Variants in TTLL11 observed in about 807,000 individuals in gnomAD.
TTLL11 encodes tubulin tyrosine ligase like 11.
TTLL11 carries 42 observed loss-of-function variants against 51.7 expected under a neutral mutation model. That is an observed-to-expected ratio of 0.81 (90% confidence interval 0.64 to 1.05). TTLL11 has a LOEUF of 1.05. TTLL11 is among the 50% of genes least tolerant of loss of function. The probability of loss-of-function intolerance (pLI) is 0.00; values close to 1 mark genes in which losing one functional copy is unlikely to be tolerated. For missense variants in TTLL11, 799 were observed against 940.4 expected (o/e 0.85, Z 1.97); for synonymous variants, 381 against 383.5 (o/e 0.99, Z 0.08).
intron 8 of TTLL11, among the ~76,000 whole-genome samples, chr9:121,834,379 C>T (rs73539162): frequency 0.061 from 9,321 of 152,134 alleles, 462 homozygotes; most frequent in African/African-American, 0.13. Context: ...TGAGCTGGTC[C>T]GGGTCCCAGC....
intron 8 of TTLL11, among the ~76,000 whole-genome samples, chr9:121,826,557 G>GTGTGTATATATATATGTGTATA (rs1189626793): frequency 1.9e-5 from 1 of 51,346 alleles, no homozygotes; most frequent in African/African-American, 7.1e-5. Context: ...ATATGTGTGT[G>GTGTGTATATATATATGTGTATA]TATATATATA....
chr9:121,974,762 T>G (rs1361555361), intron 5 of TTLL11, 122 bp downstream of exon 5: 2 of 777,876 alleles, frequency 2.6e-6, no homozygotes, highest in African/African-American at 3.6e-5. Flanking sequence ...TTATTTGACT[T>G]GAACAGAATT....
At chr9:121,952,444 CA>C (rs67882979) in intron 6 of TTLL11, among the ~76,000 whole-genome samples, 1,945 of 121,818 alleles carry the variant, frequency 0.016, 30 homozygotes, top group African/African-American at 0.051. Flanking sequence ...GACTCCGCCT[CA>C]AAAAAAAAAA....
chr9:121,959,896 C>T (rs944331261), intron 6 of TTLL11, among the ~76,000 whole-genome samples: 1 of 151,878 alleles, frequency 6.6e-6, no homozygotes, highest in African/African-American at 2.4e-5. Flanking sequence ...CATTGGACTT[C>T]TTTATTTTTT....
chr9:121,911,131 G>A (rs1176543022), intron 6 of TTLL11, among the ~76,000 whole-genome samples: 1 of 152,180 alleles, frequency 6.6e-6, no homozygotes, highest in Non-Finnish European at 1.5e-5. Flanking sequence ...GTGGCCAGGT[G>A]CAGTGGCTCA....
chr9:121,827,720 A>C (rs1836860214), intron 8 of TTLL11, among the ~76,000 whole-genome samples: 1 of 152,112 alleles, frequency 6.6e-6, no homozygotes, highest in Admixed American at 6.5e-5. Flanking sequence ...TCCTCAATTC[A>C]TCAAGGTGGC....
chr9:121,844,300 A>AC (rs374592880), intron 8 of TTLL11, among the ~76,000 whole-genome samples: 2 of 151,558 alleles, frequency 1.3e-5, no homozygotes, highest in African/African-American at 4.9e-5. Flanking sequence ...GGAGAGAAAA[A>AC]AAAACAAAAC....
chr9:121,933,015 T>C (rs572816936), intron 6 of TTLL11, among the ~76,000 whole-genome samples: 2 of 152,322 alleles, frequency 1.3e-5, no homozygotes, highest in East Asian at 3.9e-4. Flanking sequence ...ACGGAAAAGA[T>C]TGATCAACTG....
chr9:121,972,454 T>C (rs1211915643), intron 6 of TTLL11, among the ~76,000 whole-genome samples: 3 of 152,236 alleles, frequency 2.0e-5, no homozygotes, highest in Non-Finnish European at 2.9e-5. Context: ...GAGGACAGCT[T>C]TGAAGCACTG....
chr9:122,029,739 C>T (rs1844470508), intron 3 of TTLL11, among the ~76,000 whole-genome samples: 1 of 152,102 alleles, frequency 6.6e-6, no homozygotes, highest in Non-Finnish European at 1.5e-5. Context: ...CCTAAGTGTA[C>T]AGTGTTTCTG....
At chr9:122,000,048 A>T (rs1843412889) in intron 3 of TTLL11, among the ~76,000 whole-genome samples, 1 of 152,230 alleles carries the variant, frequency 6.6e-6, no homozygotes, top group Admixed American at 6.5e-5. Flanking sequence ...TGTTTGAACC[A>T]GAGCCACTCC....
intron 1 of TTLL11, among the ~76,000 whole-genome samples, chr9:122,050,758 C>T (rs1191009882): frequency 6.6e-6 from 1 of 152,188 alleles, no homozygotes; most frequent in Non-Finnish European, 1.5e-5. Flanking sequence ...TCCCCCTTTG[C>T]TTTGGGAATG....
chr9:121,903,170 C>T (rs2131479809), intron 6 of TTLL11, among the ~76,000 whole-genome samples: 1 of 152,254 alleles, frequency 6.6e-6, no homozygotes, highest in East Asian at 1.9e-4. Flanking sequence ...ATCCTCATAC[C>T]ACGCCTGCAA....
chr9:122,013,101 C>T (rs1158047154), intron 3 of TTLL11, among the ~76,000 whole-genome samples: 2 of 152,092 alleles, frequency 1.3e-5, no homozygotes, highest in Admixed American at 6.5e-5. Flanking sequence ...TGTGATTCTC[C>T]TAGCAAACCT....
intron 1 of TTLL11, among the ~76,000 whole-genome samples, chr9:122,081,062 T>G (rs1021199048): frequency 6.6e-6 from 1 of 152,242 alleles, no homozygotes; most frequent in Non-Finnish European, 1.5e-5. Context: ...TTTTCCAAAT[T>G]TTTAAGCAAT....
chr9:122,056,324 T>C (rs781689436), intron 1 of TTLL11, among the ~76,000 whole-genome samples: 25 of 152,218 alleles, frequency 1.6e-4, no homozygotes, highest in Admixed American at 7.2e-4. Context: ...CAATAATTTC[T>C]GTAATAATAA....
At chr9:121,930,560 G>A (rs192943509) in intron 6 of TTLL11, among the ~76,000 whole-genome samples, 1 of 152,314 alleles carries the variant, frequency 6.6e-6, no homozygotes, top group East Asian at 1.9e-4. Context: ...GAGAATGCTC[G>A]TCCTCCCAGA....
At position 122,039,861 on chromosome 9, in the gene TTLL11, ATCTCTC is replaced by A. The variant is rs145587739; in HGVS notation, c.463-499_463-494del. ...AAGCTTTCAGAGTCCCTCTTCCCTT[ATCTCTC>A]TCTCTCTCTCTCTCTCTCTCACACA... is the stretch of plus-strand genomic sequence containing the variant. On this transcript the variant is annotated intron_variant, in intron 1 of 8. Coordinates refer to ENST00000321582, the MANE Select transcript of TTLL11 (RefSeq NM_001139442.2). Among the ~76,000 whole-genome samples, 242 of 147,718 alleles carry A rather than the reference ATCTCTC, an allele frequency of 1.6e-3. 1 individual carries two copies. The highest frequency in any genetic ancestry group is 5.5e-3 in the African/African-American group (223 of 40,462).
At chr9:121,852,242 G>C (rs7041912) in intron 8 of TTLL11, among the ~76,000 whole-genome samples, 85,502 of 152,034 alleles carry the variant, frequency 0.56, 24,549 homozygotes, top group East Asian at 0.74. Flanking sequence ...TGGTTAGACA[G>C]AGAAAAAGCT....
Sources: gnomAD v4.1 joint callset for allele counts (sites outside exome capture counted in the v4.1 genomes callset) on GRCh38, gnomAD v4.1.1 for gene constraint, MANE v1.5 for transcripts, NCBI Gene and HGNC (gene_info 2026-07-23, HGNC 2026-07-21) for gene names.